CCDC125: variants seen among roughly 807,000 people sequenced by gnomAD.
CCDC125 encodes coiled-coil domain-containing protein 125.
A neutral mutation model predicts 57.4 loss-of-function variants in CCDC125; 43 were observed. The observed-to-expected ratio is 0.75, with a 90% CI of 0.59 to 0.97. The LOEUF (loss-of-function observed/expected upper bound fraction) is 0.97, where lower values mean the gene tolerates loss of function less well. Ranked by LOEUF, CCDC125 falls within the 50% of genes least tolerant of loss-of-function variation. The pLI, the probability that CCDC125 is intolerant of heterozygous loss-of-function variation, is 0.00. For synonymous variants in CCDC125, 187 were observed against 195.2 expected (o/e 0.96, Z 0.35); for missense variants, 563 against 595.7 (o/e 0.95, Z 0.57).
At chr5:69,297,754 A>G (rs1385051993) in intron 8 of CCDC125, among the ~76,000 whole-genome samples, 1 of 151,372 alleles carries the variant, frequency 6.6e-6, no homozygotes, top group Non-Finnish European at 1.5e-5. Context: ...GCTTGAGCCC[A>G]GGAGTTCAAG....
intron 2 of CCDC125, among the ~76,000 whole-genome samples, chr5:69,316,570 T>A (rs565339326): frequency 5.9e-4 from 89 of 151,640 alleles, no homozygotes; most frequent in African/African-American, 2.1e-3. Flanking sequence ...TATTTGGGAC[T>A]TTTTTTCCCA....
chr5:69,274,025 T>A, the CCDC125 span, among the ~76,000 whole-genome samples: 1 of 152,198 alleles, frequency 6.6e-6, no homozygotes, highest in Non-Finnish European at 1.5e-5. Flanking sequence ...TGTGTACACA[T>A]ACTCTTTTAA....
intron 7 of CCDC125, among the ~76,000 whole-genome samples, chr5:69,301,332 C>T (rs1400927962): frequency 2.6e-5 from 4 of 152,018 alleles, no homozygotes; most frequent in African/African-American, 9.7e-5. Flanking sequence ...GAAGAACTAG[C>T]CTCTTCTCTA....
intron 9 of CCDC125, among the ~76,000 whole-genome samples, chr5:69,292,859 T>C (rs530885966): frequency 6.6e-6 from 1 of 152,030 alleles, no homozygotes; most frequent in East Asian, 1.9e-4. Flanking sequence ...TTTTTTTCTT[T>C]TGATGGAGTC....
At chr5:69,283,306 G>A (rs1210925411) in intron 11 of CCDC125, among the ~76,000 whole-genome samples, 1 of 147,298 alleles carries the variant, frequency 6.8e-6, no homozygotes, top group Admixed American at 7.0e-5. Context: ...TGCAAGCTCT[G>A]CCTCCCAGGT....
In CCDC125 at chr5:69,325,939, G is replaced by A. The variant is rs527370891; in HGVS notation, c.-40-5359C>T. On this transcript the variant is annotated intron_variant, in intron 1 of 11. Transcript: ENST00000396496. ...GCTCACTGCAGCCTCGACCTCTTAG[G>A]CTCAAGTGATTCTCCCACCTCAGTC... Among the ~76,000 whole-genome samples, 15 of 151,496 alleles carry A rather than the reference G, an allele frequency of 9.9e-5. 1 individual carries two copies. In the South Asian group the frequency reaches 2.5e-3, roughly 25 times the overall value.
chr5:69,326,077 T>C (rs1760701512), intron 1 of CCDC125, among the ~76,000 whole-genome samples: 1 of 152,102 alleles, frequency 6.6e-6, no homozygotes. Flanking sequence ...CCTCACGGGA[T>C]CCTTCCACCT....
chr5:69,297,386 T>C (rs1475502836), intron 8 of CCDC125, among the ~76,000 whole-genome samples: 1 of 150,794 alleles, frequency 6.6e-6, no homozygotes, highest in African/African-American at 2.5e-5. Flanking sequence ...TGAGACAGAG[T>C]TTTGCTCTCG....
chr5:69,315,274 A>G (rs1233932188), intron 2 of CCDC125, among the ~76,000 whole-genome samples: 1 of 146,740 alleles, frequency 6.8e-6, no homozygotes, highest in African/African-American at 2.5e-5. Flanking sequence ...AAAAAAAATA[A>G]CCTGAAGGCT....
At chr5:69,301,770 G>A (rs1561440253) in intron 7 of CCDC125, among the ~76,000 whole-genome samples, 3 of 151,016 alleles carry the variant, frequency 2.0e-5, no homozygotes, top group Admixed American at 6.6e-5. Context: ...GGTGGTGGGT[G>A]TCTGCAATCC....
At chr5:69,288,167 G>A (rs1753815676) in intron 10 of CCDC125, among the ~76,000 whole-genome samples, 1 of 152,030 alleles carries the variant, frequency 6.6e-6, no homozygotes, top group South Asian at 2.1e-4. Context: ...TCAGTGCTAG[G>A]AGCATCTGAC....
intron 1 of CCDC125, 143 bp from the exon 2 acceptor site, chr5:69,320,723 C>A: frequency 1.7e-6 from 1 of 598,778 alleles, no homozygotes; most frequent in East Asian, 2.8e-5. Flanking sequence ...TTCACAATAG[C>A]CAAGATATGG....
intron 9 of CCDC125, among the ~76,000 whole-genome samples, chr5:69,293,479 G>A (rs137896184): frequency 0.016 from 2,372 of 151,868 alleles, 32 homozygotes; most frequent in Non-Finnish European, 0.024. Context: ...GTGAAACCCC[G>A]TCTCTACTAA....
In CCDC125 at chr5:69,282,887, T is replaced by TAA; in HGVS notation, c.1377_1378insTT (p.Lys460LeufsTer20). On this transcript the variant is annotated frameshift_variant, in exon 12 of 12. Transcript: ENST00000396496. LOFTEE classifies it low-confidence loss of function (END_TRUNC). The stretch of plus-strand genomic sequence containing the variant: ...CCCAAAACAGAGAATTCTGAAGTCT[T>TAA]ACGCCAGGGGTTGTTGAAAGGGAAA... 2.5e-6 allele frequency: 4 copies of TAA among 1,614,162 alleles called. No individual in the cohort carries two copies. Among genetic ancestry groups the TAA allele is most frequent in the Non-Finnish European group, 3.4e-6 (4 of 1,180,030 alleles).
In CCDC125 at chr5:69,287,324, C is replaced by T. The variant is rs11949471; in HGVS notation, c.1100-1857G>A. Reference sequence around the variant, plus strand: ...TGTCGCCCAGGCTGGAGTGCAACAGCGCAATCTTGGCTCACCACAACCTCT... The same window carrying T: ...TGTCGCCCAGGCTGGAGTGCAACAGTGCAATCTTGGCTCACCACAACCTCT... On this transcript the variant is annotated intron_variant, in intron 10 of 11. Coordinates refer to ENST00000396496, the MANE Select transcript of CCDC125 (RefSeq NM_176816.5). Among the ~76,000 whole-genome samples, 1,332 of 148,836 alleles carry T rather than the reference C, an allele frequency of 8.9e-3. 18 individuals are homozygous for T. Among genetic ancestry groups the T allele is most frequent in the African/African-American group, 0.031 (1,242 of 40,370 alleles).
intron 1 of CCDC125, among the ~76,000 whole-genome samples, chr5:69,331,691 G>A (rs1207068002): frequency 1.3e-5 from 2 of 152,126 alleles, no homozygotes; most frequent in African/African-American, 4.8e-5. Context: ...CTTGCTCCCA[G>A]GGCTCCTCCC....
chr5:69,307,811 A>G (rs992605917), intron 5 of CCDC125, 140 bp downstream of exon 5: 6 of 646,662 alleles, frequency 9.3e-6, no homozygotes, highest in Admixed American at 2.7e-5. Flanking sequence ...TGTAAACTCC[A>G]AAAGGGAAGA....
downstream of CCDC125, chr5:69,277,073 A>G: frequency 6.4e-7 from 1 of 1,561,558 alleles, no homozygotes; most frequent in Non-Finnish European, 8.7e-7. Context: ...AAATGTGAAC[A>G]ACTTTTTTTT....
chr5:69,315,450 C>CAAAAAAAAAAAAAAAAAAAAA (rs1359288696), intron 2 of CCDC125, among the ~76,000 whole-genome samples: 2 of 4,882 alleles, frequency 4.1e-4, no homozygotes, highest in East Asian at 0.011. Context: ...AAAAAAAAAA[C>CAAAAAAAAAAAAAAAAAAAAA]AAAAAAAAAA....
Sources: gnomAD v4.1 joint callset for allele counts (sites outside exome capture counted in the v4.1 genomes callset) on GRCh38, gnomAD v4.1.1 for gene constraint, MANE v1.5 for transcripts, NCBI Gene and HGNC (gene_info 2026-07-23, HGNC 2026-07-21) for gene names.